Variants in FAIM2 observed in about 807,000 individuals in gnomAD.
FAIM2 encodes Fas apoptotic inhibitory molecule 2.
In FAIM2, 27 loss-of-function variants were observed where a neutral mutation model predicts 47.4. The ratio of observed to expected loss-of-function variants is 0.57; its 90% CI spans 0.42 to 0.78. FAIM2 has a LOEUF of 0.78. Among genes scored for constraint, FAIM2 ranks in the 30% least tolerant of loss-of-function variants. The pLI, the probability that FAIM2 is intolerant of heterozygous loss-of-function variation, is 0.00. For synonymous variants in FAIM2, 156 were observed against 159.3 expected (o/e 0.98, Z 0.16); for missense variants, 311 against 389.4 (o/e 0.80, Z 1.69).
chr12:49,874,807 T>A lies in FAIM2; in HGVS notation c.802-4154A>T, dbSNP rs1026186176. Reference sequence around the variant, plus strand: ...ACCCCCAGGCTGTTGTTTACAGCATTGGTTCTAACAGTGAGATGCTGAAAC... The same window carrying A: ...ACCCCCAGGCTGTTGTTTACAGCATAGGTTCTAACAGTGAGATGCTGAAAC... On this transcript the variant is annotated intron_variant, in intron 11 of 11. Coordinates refer to ENST00000320634, the MANE Select transcript of FAIM2 (RefSeq NM_012306.4). The surrounding 1 kb of genome is among the most constrained non-coding windows in gnomAD (Gnocchi z 4.2). Among the ~76,000 whole-genome samples, 6 of 152,174 alleles carry A rather than the reference T, an allele frequency of 3.9e-5. No individual in the cohort carries two copies. Among genetic ancestry groups the A allele is most frequent in the African/African-American group, 1.4e-4 (6 of 41,434 alleles).
intron 5 of FAIM2, 48 bp from the exon 6 acceptor site, chr12:49,891,162 C>T (rs377688768): frequency 2.2e-5 from 34 of 1,574,076 alleles, no homozygotes; most frequent in Admixed American, 6.7e-5. Context: ...CTCCTGGGTC[C>T]CTCCCCCAAG....
intron 2 of FAIM2, chr12:49,900,121 T>C: frequency 9.9e-7 from 1 of 1,010,798 alleles, no homozygotes; most frequent in Non-Finnish European, 1.3e-6. Context: ...GGCGGGTGTG[T>C]AGGGAAGGGA....
chr12:49,895,779 C>A (rs1946932258), intron 5 of FAIM2, among the ~76,000 whole-genome samples: 1 of 152,176 alleles, frequency 6.6e-6, no homozygotes, highest in Non-Finnish European at 1.5e-5. Context: ...GTCCAGGGGG[C>A]TCTGGGCTGA....
chr12:49,872,835 T>C lies in FAIM2; in HGVS notation c.802-2182A>G, dbSNP rs181550204. On this transcript the variant is annotated intron_variant, in intron 11 of 11. Transcript: ENST00000320634. ...TGTGTAAAAGGGAGATGAGCGTGCC[T>C]GCCTCCTGAGGTTGTTGTGAGAATG... 8.8e-4 allele frequency among the ~76,000 whole-genome samples: 134 copies of C among 152,344 alleles called. 2 individuals are homozygous for C. In the East Asian group the frequency reaches 0.016, roughly 18 times the overall value.
intron 5 of FAIM2, among the ~76,000 whole-genome samples, chr12:49,892,335 T>C (rs984828841): frequency 6.6e-6 from 1 of 152,140 alleles, no homozygotes; most frequent in Non-Finnish European, 1.5e-5. Context: ...CTCAGCTGTT[T>C]TCCGTCTTTA....
rs1397291735 is a variant in FAIM2 at position 49,870,636 on chromosome 12, G to A, written c.819C>T (p.Thr273=). The A allele has an allele frequency of 3.1e-6, 5 of 1,613,956 alleles. No homozygotes were observed. The South Asian group carries it at 5.5e-5, about 18-fold the overall frequency. ...GVFTLFLALD[T]QLLMGNRRHS... is the part of the protein sequence containing the mutation. ...GGCGTCGGTTACCCATCAGCAACTG[G>A]GTGTCAAGTGCCAGGAACTGGGAGA... The change falls in exon 12 of 12, where the codon ACC becomes ACT. Residue 273 remains threonine, a synonymous_variant. Transcript: ENST00000320634.
chr12:49,878,594 G>A (rs1946764857), intron 11 of FAIM2, among the ~76,000 whole-genome samples: 1 of 110,480 alleles, frequency 9.1e-6, no homozygotes, highest in Non-Finnish European at 1.9e-5. Flanking sequence ...ACATGTGTAT[G>A]TGTATGTGTG....
chr12:49,877,934 A>G (rs924227890), intron 11 of FAIM2, among the ~76,000 whole-genome samples: 14 of 148,126 alleles, frequency 9.5e-5, no homozygotes, highest in Admixed American at 2.0e-4. Context: ...ATGCATCTGT[A>G]TGTGTGTATA....
intron 5 of FAIM2, among the ~76,000 whole-genome samples, chr12:49,895,037 G>A (rs551180786): frequency 3.4e-5 from 5 of 149,020 alleles, no homozygotes; most frequent in Admixed American, 2.7e-4. Flanking sequence ...GGGGCAGGAC[G>A]GAGAGAGCTG....
intron 5 of FAIM2, among the ~76,000 whole-genome samples, chr12:49,896,110 C>T (rs1946935319): frequency 6.6e-6 from 1 of 152,204 alleles, no homozygotes. Flanking sequence ...TCCTTCCTCC[C>T]CTCTCCGAAT....
At chr12:49,882,895 G>A (rs1946835821) in intron 11 of FAIM2, among the ~76,000 whole-genome samples, 1 of 152,192 alleles carries the variant, frequency 6.6e-6, no homozygotes, top group Non-Finnish European at 1.5e-5. Context: ...TTCTGCTGGA[G>A]GGAGACAGAC....
intron 2 of FAIM2, among the ~76,000 whole-genome samples, chr12:49,899,246 C>T (rs1228692681): frequency 6.6e-6 from 1 of 152,144 alleles, no homozygotes; most frequent in Non-Finnish European, 1.5e-5. Context: ...TCCCATGTGC[C>T]CCTCATCGTG....
At chr12:49,884,960 T>A (rs554167728) in intron 11 of FAIM2, among the ~76,000 whole-genome samples, 23 of 151,458 alleles carry the variant, frequency 1.5e-4, no homozygotes, top group Admixed American at 4.6e-4. Flanking sequence ...GGCGACAGAG[T>A]GAGACTCCGT....
chr12:49,902,565 C>T (rs538045140), intron 1 of FAIM2, among the ~76,000 whole-genome samples: 1 of 152,248 alleles, frequency 6.6e-6, no homozygotes, highest in South Asian at 2.1e-4. Flanking sequence ...AGGTCCCCCT[C>T]ACACCAGGAA....
At chr12:49,872,544 T>C (rs1565611533) in intron 11 of FAIM2, among the ~76,000 whole-genome samples, 1 of 152,356 alleles carries the variant, frequency 6.6e-6, no homozygotes, top group East Asian at 1.9e-4. Flanking sequence ...AGAGTTGCTA[T>C]AGACGCAGCC....
intron 11 of FAIM2, among the ~76,000 whole-genome samples, chr12:49,872,488 C>T (rs537170906): frequency 6.4e-4 from 98 of 152,324 alleles, no homozygotes; most frequent in African/African-American, 2.3e-3. Context: ...AGTTCCCTTT[C>T]CTTCACCTCC....
In FAIM2 at chr12:49,891,076, C is replaced by T. The variant is rs917457245; in HGVS notation, c.473G>A (p.Cys158Tyr). The T allele has an allele frequency of 1.9e-6, 3 of 1,614,068 alleles. No homozygotes were observed. Among genetic ancestry groups the T allele is most frequent in the African/African-American group, 2.7e-5 (2 of 74,920 alleles). The change falls in exon 6 of 12, where the codon TGT (cysteine) becomes TAT (tyrosine). Residue 158 changes from cysteine to tyrosine, a missense_variant. Cys to Tyr is a radical substitution (Grantham distance 194). Coordinates refer to ENST00000320634, the MANE Select transcript of FAIM2 (RefSeq NM_012306.4). Reference protein sequence around the residue: ...FFATYLTLACCSGPRRHFPWN... With the variant: ...FFATYLTLACYSGPRRHFPWN... ...GCCATTAGCATACCTGGGTCCAGAA[C>T]AGCAAGCCAGGGTCAGGTAGGTTGC... is the stretch of plus-strand genomic sequence containing the variant.
intron 6 of FAIM2, 36 bp from the exon 7 acceptor site, chr12:49,890,758 G>A (rs374982539): frequency 6.2e-6 from 10 of 1,605,544 alleles, no homozygotes; most frequent in Non-Finnish European, 6.8e-6. Context: ...GGGATCGTAG[G>A]GGGTGGGGGC....
chr12:49,884,746 G>T (rs1296837062), intron 11 of FAIM2, among the ~76,000 whole-genome samples: 1 of 152,194 alleles, frequency 6.6e-6, no homozygotes, highest in Non-Finnish European at 1.5e-5. Flanking sequence ...AGGCCAAGGC[G>T]GGCGGATCAC....
Sources: allele counts gnomAD v4.1 joint callset (sites outside exome capture counted in the v4.1 genomes callset), GRCh38; gene constraint gnomAD v4.1.1; non-coding constraint Gnocchi (gnomAD v3.1); transcripts MANE v1.5; gene names NCBI Gene and HGNC (gene_info 2026-07-23, HGNC 2026-07-21).